The following TSNARE1 variants were observed in gnomAD, a reference collection of about 807,000 sequenced individuals.
TSNARE1 encodes the protein t-SNARE domain-containing protein 1.
Under a neutral mutation model 62.0 loss-of-function variants are expected in TSNARE1, and 49 were observed. The observed-to-expected ratio is 0.79, with a 90% CI of 0.63 to 1.00. TSNARE1 has a LOEUF of 1.00. Ranked by LOEUF, TSNARE1 falls within the 50% of genes least tolerant of loss-of-function variation. The pLI is 0.00. For synonymous variants in TSNARE1, 328 were observed against 294.4 expected (o/e 1.11, Z -1.17); for missense variants, 755 against 700.1 (o/e 1.08, Z -0.88).
intron 11 of TSNARE1, among the ~76,000 whole-genome samples, chr8:142,283,956 G>A (rs1235433847): frequency 1.4e-5 from 2 of 141,522 alleles, no homozygotes; most frequent in African/African-American, 5.0e-5. Flanking sequence ...TGAGCAGGGT[G>A]GGGGCCAGTG....
At chr8:142,241,054 A>T (rs992965759) in intron 12 of TSNARE1, among the ~76,000 whole-genome samples, 1 of 152,232 alleles carries the variant, frequency 6.6e-6, no homozygotes, top group African/African-American at 2.4e-5. Flanking sequence ...AAGGCATCCA[A>T]ATTGGAAAGG....
At position 142,345,868 on chromosome 8, in the gene TSNARE1, T is replaced by C. The variant is rs1394808602; in HGVS notation, c.113A>G (p.Tyr38Cys). 1.4e-5 allele frequency: 23 copies of C among 1,613,904 alleles called. No individual in the cohort carries two copies. The highest frequency in any genetic ancestry group is 1.9e-5 in the Non-Finnish European group (23 of 1,179,900). Reference sequence around the variant, plus strand: ...CGGGCAGGGGAAATGGCGGATTCCATACTCGGTCCAACATCTAGCGCACTC... The same window carrying C: ...CGGGCAGGGGAAATGGCGGATTCCACACTCGGTCCAACATCTAGCGCACTC... ...PLECARCWTE[Y>C]GIRHFPCPSP... Residue 38 changes from tyrosine to cysteine, a missense_variant, in exon 3 of 14, where the codon TAT (tyrosine) becomes TGT (cysteine). Transcript: ENST00000524325.
At chr8:142,301,628 T>C (rs1391335879) in intron 9 of TSNARE1, among the ~76,000 whole-genome samples, 1 of 152,178 alleles carries the variant, frequency 6.6e-6, no homozygotes, top group African/African-American at 2.4e-5. Context: ...TGTGAGTGCC[T>C]GTGTGGTTGT....
intron 1 of TSNARE1, 96 bp from the exon 2 acceptor site, chr8:142,354,859 C>T: frequency 1.5e-6 from 1 of 679,416 alleles, no homozygotes; most frequent in Non-Finnish European, 2.5e-6. Flanking sequence ...CCTCCCCAGC[C>T]CCAAGACCCT....
At chr8:142,223,102 T>TCATC (rs1816520644) in intron 13 of TSNARE1, among the ~76,000 whole-genome samples, 1 of 142,084 alleles carries the variant, frequency 7.0e-6, no homozygotes, top group Non-Finnish European at 1.5e-5. Flanking sequence ...ATCCACTCAT[T>TCATC]CACTCACTCG....
rs777047234 is a variant in TSNARE1, at chr8:142,291,130, A to T, written c.1291-6645T>A. 1.3e-5 allele frequency among the ~76,000 whole-genome samples: 2 copies of T among 152,016 alleles called. No homozygotes were observed. The highest frequency in any genetic ancestry group is 2.9e-5 in the Non-Finnish European group (2 of 68,014). On this transcript the variant is annotated intron_variant, in intron 10 of 13. Coordinates refer to ENST00000524325, the MANE Select transcript of TSNARE1 (RefSeq NM_145003.5). The surrounding 1 kb of genome is among the most constrained non-coding windows in gnomAD (Gnocchi z 4.8). ...GACTGGTGTCCTCAGCTGGGGATTA[A>T]GTCACTGGCTCCTGGGGCGCTGGCT...
At chr8:142,345,988 G>A (rs113876365) in intron 2 of TSNARE1, 96 bp from the exon 3 acceptor site, 38 of 1,430,740 alleles carry the variant, frequency 2.7e-5, no homozygotes, top group African/African-American at 1.0e-4. Context: ...CCCAGGACCC[G>A]AGATGCTCCA....
chr8:142,260,638 C>A (rs1818813027), intron 12 of TSNARE1, among the ~76,000 whole-genome samples: 1 of 152,108 alleles, frequency 6.6e-6, no homozygotes, highest in African/African-American at 2.4e-5. Context: ...CCAGAGACCT[C>A]TCTGCATGTC....
At chr8:142,263,727 G>A (rs1366420585) in intron 12 of TSNARE1, among the ~76,000 whole-genome samples, 3 of 152,146 alleles carry the variant, frequency 2.0e-5, no homozygotes, top group Non-Finnish European at 4.4e-5. Context: ...GACTTTTCTA[G>A]GAATCTGTCT....
intron 1 of TSNARE1, among the ~76,000 whole-genome samples, chr8:142,358,775 G>A (rs1341863378): frequency 6.6e-6 from 1 of 152,060 alleles, no homozygotes; most frequent in African/African-American, 2.4e-5. Flanking sequence ...AATCCAGTGG[G>A]TGCAACCCCC....
chr8:142,272,531 C>T lies in TSNARE1; in HGVS notation c.1446+2250G>A, dbSNP rs1258442595. 3.8e-5 allele frequency: 15 copies of T among 395,416 alleles called. 1 individual carries two copies. The highest frequency in any genetic ancestry group is 4.5e-5 in the Non-Finnish European group (14 of 310,970). The allele number at this position is 395,416 out of a possible 1,614,324, so 24.5% of individuals were successfully genotyped here. Reference sequence around the variant, plus strand: ...ACCACCCGTCTACAGCTTCCTCCTTCCATCTACCCACCTGTCTACACCTTC... The same window carrying T: ...ACCACCCGTCTACAGCTTCCTCCTTTCATCTACCCACCTGTCTACACCTTC... On this transcript the variant is annotated intron_variant, in intron 12 of 13. Transcript: ENST00000524325.
intron 11 of TSNARE1, chr8:142,277,926 CAT>C (rs1304061647): frequency 7.1e-6 from 7 of 985,342 alleles, no homozygotes; most frequent in East Asian, 1.1e-4. Context: ...CCCCACACCA[CAT>C]GTCTATCCTT....
chr8:142,358,646 G>A (rs1261671942), intron 1 of TSNARE1, among the ~76,000 whole-genome samples: 2 of 152,032 alleles, frequency 1.3e-5, no homozygotes, highest in African/African-American at 4.8e-5. Context: ...CCACGGTCAG[G>A]GCCACCGAGT....
In TSNARE1 at chr8:142,282,429, C is replaced by T. The variant is rs112456525; in HGVS notation, c.1363+1984G>A. ...GGTGGGGCCAGTGTCTATTAATGAG[C>T]GGAGCAGGGGCCAGTGTCTATCAAT... On this transcript the variant is annotated intron_variant, in intron 11 of 13. Coordinates refer to ENST00000524325, the MANE Select transcript of TSNARE1 (RefSeq NM_145003.5). Among the ~76,000 whole-genome samples the T allele has an allele frequency of 6.3e-3, 937 of 149,870 alleles. 11 individuals carry two copies. The highest frequency in any genetic ancestry group is 0.021 in the African/African-American group (858 of 41,218).
intron 12 of TSNARE1, among the ~76,000 whole-genome samples, chr8:142,241,009 C>A (rs1419844651): frequency 1.3e-5 from 2 of 152,196 alleles, no homozygotes; most frequent in African/African-American, 4.8e-5. Context: ...CACTGAAAGT[C>A]CTCGCCAGTG....
rs755049747 is a variant in TSNARE1, at chr8:142,315,075, C to T, written c.1002G>A (p.Gln334=). 3 of 1,613,852 alleles carry T rather than the reference C, an allele frequency of 1.9e-6. No individual in the cohort carries two copies. The highest frequency in any genetic ancestry group is 2.2e-5 in the East Asian group (1 of 44,886). The part of the protein sequence containing the change: ...RSSCPQERLQ[Q]ERPQLDRLKT... ...TCAGCCGGTCCAGCTGAGGACGCTC[C>T]TGCTGCAGACGCTCCTGCTGCAGAG... The change falls in exon 8 of 14, where the codon CAG becomes CAA. Residue 334 remains glutamine, a synonymous_variant. Coordinates refer to ENST00000524325, the MANE Select transcript of TSNARE1 (RefSeq NM_145003.5).
At chr8:142,318,499 G>T (rs56055628) in intron 7 of TSNARE1, 45 bp downstream of exon 7, 364,767 of 1,570,754 alleles carry the variant, frequency 0.23, 44,617 homozygotes, top group South Asian at 0.25. Flanking sequence ...AGGCAGAGGG[G>T]TCCATTCCTC....
chr8:142,337,937 TG>T (rs1293221085), intron 4 of TSNARE1, among the ~76,000 whole-genome samples: 1 of 152,220 alleles, frequency 6.6e-6, no homozygotes, highest in Non-Finnish European at 1.5e-5. Flanking sequence ...CCCATGACTC[TG>T]GCCGGGGACC....
chr8:142,331,116 C>A, intron 5 of TSNARE1, 146 bp from the exon 6 acceptor site: 1 of 678,052 alleles, frequency 1.5e-6, no homozygotes, highest in South Asian at 1.8e-5. Context: ...CCTAAGTGGC[C>A]TGGAGGCCAG....
Sources: allele counts gnomAD v4.1 joint callset (sites outside exome capture counted in the v4.1 genomes callset), GRCh38; gene constraint gnomAD v4.1.1; non-coding constraint Gnocchi (gnomAD v3.1); transcripts MANE v1.5; gene names NCBI Gene and HGNC (gene_info 2026-07-23, HGNC 2026-07-21).